The following MFAP3L variants were observed in gnomAD, a reference collection of about 807,000 sequenced individuals.
The protein encoded by MFAP3L is microfibril associated protein 3 like.
In MFAP3L, 5 loss-of-function variants were observed where a neutral mutation model predicts 20.0. That is an observed-to-expected ratio of 0.25 (90% CI 0.13 to 0.53). MFAP3L has a LOEUF of 0.53. MFAP3L is among the 20% of genes least tolerant of loss of function. MFAP3L has a pLI of 0.96. For synonymous variants in MFAP3L, 219 were observed against 213.0 expected (o/e 1.03, Z -0.25); for missense variants, 409 against 527.5 (o/e 0.78, Z 2.20).
chr4:170,020,724 C>A (rs1055530294), intron 1 of MFAP3L, among the ~76,000 whole-genome samples: 3 of 151,298 alleles, frequency 2.0e-5, no homozygotes, highest in Admixed American at 1.3e-4. Context: ...CCAGTAGTTC[C>A]CCACGGCACC....
chr4:169,994,251 G>A (rs1737963920), intron 2 of MFAP3L: 1 of 985,358 alleles, frequency 1.0e-6, no homozygotes. Flanking sequence ...GTGAGAAGGT[G>A]AGGTTATTTG....
chr4:169,993,713 G>T (rs1386720223), intron 2 of MFAP3L: 6 of 152,082 alleles, frequency 3.9e-5, no homozygotes, highest in African/African-American at 1.2e-4. Context: ...GGAGCCTCTC[G>T]GTGGATGCTG....
chr4:170,002,103 T>C, intron 2 of MFAP3L: 1 of 985,412 alleles, frequency 1.0e-6, no homozygotes, highest in Non-Finnish European at 1.2e-6. Flanking sequence ...ACACACATGT[T>C]CCGGCACAAA....
At chr4:170,000,101 T>C (rs187412191) in intron 2 of MFAP3L, among the ~76,000 whole-genome samples, 1 of 152,316 alleles carries the variant, frequency 6.6e-6, no homozygotes, top group Non-Finnish European at 1.5e-5. Context: ...GCAAAATTCA[T>C]CTGGTGCATA....
intron 2 of MFAP3L, 43 bp downstream of exon 2, chr4:170,005,537 G>A (rs777658465): frequency 1.3e-6 from 2 of 1,587,882 alleles, no homozygotes. Flanking sequence ...CAAAGCTCCT[G>A]TTTATATTTT....
chr4:169,991,276 T>A lies in MFAP3L; in HGVS notation c.*102A>T. 2.4e-6 allele frequency: 3 copies of A among 1,243,996 alleles called. No homozygotes were observed. The South Asian group carries it at 4.4e-5, about 18-fold the overall frequency. The allele number at this position is 1,243,996 out of a possible 1,614,324, so 77.1% of individuals were successfully genotyped here. On this transcript the variant is annotated 3_prime_UTR_variant, in exon 3 of 3. Coordinates refer to ENST00000361618, the MANE Select transcript of MFAP3L (RefSeq NM_021647.8). This position sits in a 1 kb window ranked among gnomAD's most constrained non-coding sequence, Gnocchi z 4.9. ...AGTGGCATCACTCCTACCTAAGGGA[T>A]GAGAGTCTCCTGGTAAGGCTTAGCG... is the stretch of plus-strand genomic sequence containing the variant.
intron 1 of MFAP3L, among the ~76,000 whole-genome samples, chr4:170,009,102 G>A (rs1188914603): frequency 6.6e-6 from 1 of 152,098 alleles, no homozygotes; most frequent in Non-Finnish European, 1.5e-5. Flanking sequence ...AAGTTTAGTT[G>A]AGCTGGACAT....
chr4:169,995,034 C>T (rs1435564930), intron 2 of MFAP3L: 2 of 152,170 alleles, frequency 1.3e-5, no homozygotes, highest in Non-Finnish European at 2.9e-5. Context: ...CCAGCAATTT[C>T]CTGTTTCCAA....
chr4:170,026,416 CACCTACAGGA>C (rs1730428501), upstream of MFAP3L: 1 of 430,838 alleles, frequency 2.3e-6, no homozygotes, highest in Non-Finnish European at 3.1e-6. Context: ...CGGAGCTTCC[CACCTACAGGA>C]GCCTGGGCCG....
rs1737743632 is a variant in MFAP3L at position 169,992,014 on chromosome 4, C to T, written c.594G>A (p.Leu198=). ...GCTTGGCGATCTCAAATGCCTTCTGCAGCTTCTCTGCACCTTCGGTCCTAA... is the reference window on the plus strand; with the variant it reads ...GCTTGGCGATCTCAAATGCCTTCTGTAGCTTCTCTGCACCTTCGGTCCTAA... The part of the protein sequence containing the change: ...EFFRTEGAEK[L]QKAFEIAKRI... The change falls in exon 3 of 3, where the codon CTG becomes CTA. Residue 198 remains leucine (L), a synonymous_variant. Coordinates refer to ENST00000361618, the MANE Select transcript of MFAP3L (RefSeq NM_021647.8). The surrounding 1 kb of genome is among the most constrained non-coding windows in gnomAD (Gnocchi z 4.3). 3 of 1,614,192 alleles carry T rather than the reference C, an allele frequency of 1.9e-6. No homozygotes were observed. Among genetic ancestry groups the T allele is most frequent in the African/African-American group, 1.3e-5 (1 of 75,036 alleles).
At chr4:170,006,614 C>G (rs929485174) in intron 1 of MFAP3L, 7 of 152,184 alleles carry the variant, frequency 4.6e-5, no homozygotes, top group African/African-American at 1.7e-4. Context: ...ATGACAAGCT[C>G]TCTTTCCTCC....
chr4:170,026,341 G>A lies in MFAP3L; in HGVS notation c.-241C>T, dbSNP rs1730412672. ...CGCCGGACGCCCGGTAGCGCCTACT[G>A]CGGGCGAGCCGCCTCCGCCGGCGCC... On this transcript the variant is annotated 5_prime_UTR_variant, in exon 1 of 3. Transcript: ENST00000361618. 1 of 956,052 alleles carries A rather than the reference G, an allele frequency of 1.0e-6. No homozygotes were observed. The highest frequency in any genetic ancestry group is 1.2e-6 in the Non-Finnish European group (1 of 804,158). The allele number at this position is 956,052 out of a possible 1,614,324, so 59.2% of individuals were successfully genotyped here.
At chr4:170,019,848 G>A (rs1180911167) in intron 1 of MFAP3L, among the ~76,000 whole-genome samples, 1 of 152,170 alleles carries the variant, frequency 6.6e-6, no homozygotes, top group Non-Finnish European at 1.5e-5. Context: ...CTGTTGACTA[G>A]AGTCAATTTC....
chr4:170,005,754 C>A lies in MFAP3L; in HGVS notation c.124G>T (p.Val42Phe), dbSNP rs78090926. 29 of 1,614,202 alleles carry A rather than the reference C, an allele frequency of 1.8e-5. No individual in the cohort carries two copies. The African/African-American group carries it at 3.7e-4, about 21-fold the overall frequency. Residue 42 changes from valine to phenylalanine, a missense_variant, in exon 2 of 3, where the codon GTC becomes TTC. By Grantham distance (50) the Val-to-Phe change is conservative. This residue lies in a region of MFAP3L where 113 missense variants were observed against 131.1 expected (regional missense o/e 0.86). Transcript: ENST00000361618. ...ATGATTACGGGCACAGAGCCCAAGA[C>A]CACGTTAGTGCCATTTAAAGTGCTG... ...TNSTLNGTNV[V>F]LGSVPVIIAR...
At position 169,991,443 on chromosome 4, in the gene MFAP3L, C is replaced by T. The variant is rs1560961244; in HGVS notation, c.1165G>A (p.Glu389Lys). 6.2e-7 allele frequency: 1 copy of T among 1,614,082 alleles called. No individual in the cohort carries two copies. The highest frequency in any genetic ancestry group is 2.2e-5 in the East Asian group (1 of 44,870). ...TGTGTCACTGCTGGCTCTGTGGCTTCCAGGTAAGCTGGCGGCAGTACCTTA... is the reference window on the plus strand; with the variant it reads ...TGTGTCACTGCTGGCTCTGTGGCTTTCAGGTAAGCTGGCGGCAGTACCTTA... ...PDKVLPPAYLEATEPAVTHDK... is the reference protein window; with the variant it reads ...PDKVLPPAYLKATEPAVTHDK... The change falls in exon 3 of 3, where the codon GAA becomes AAA. Residue 389 changes from glutamate (E) to lysine (K), a missense_variant. Glu to Lys is a moderately conservative substitution (Grantham distance 56). Coordinates refer to ENST00000361618, the MANE Select transcript of MFAP3L (RefSeq NM_021647.8). This position sits in a 1 kb window ranked among gnomAD's most constrained non-coding sequence, Gnocchi z 4.9.
chr4:169,993,314 T>C (rs1421661220), intron 2 of MFAP3L, among the ~76,000 whole-genome samples: 13 of 152,152 alleles, frequency 8.5e-5, no homozygotes, highest in African/African-American at 2.9e-4. Context: ...AGTTAGGCTT[T>C]TGGGGAGTTC....
intron 2 of MFAP3L, among the ~76,000 whole-genome samples, chr4:169,994,753 C>T (rs896510811): frequency 3.3e-5 from 5 of 152,206 alleles, no homozygotes; most frequent in South Asian, 2.1e-4. Context: ...TGTGAGATGT[C>T]TAACAGATAA....
intron 1 of MFAP3L, among the ~76,000 whole-genome samples, chr4:170,015,278 T>A (rs745491656): frequency 3.3e-5 from 5 of 152,168 alleles, no homozygotes; most frequent in African/African-American, 7.2e-5. Flanking sequence ...TTCAGACCCA[T>A]CTCTTAGGTC....
intron 1 of MFAP3L, among the ~76,000 whole-genome samples, chr4:170,025,687 CAA>C (rs1740308725): frequency 1.3e-5 from 2 of 152,330 alleles, no homozygotes; most frequent in Middle Eastern, 3.4e-3. Flanking sequence ...TCAAATGCGA[CAA>C]ACTCCGAGAG....
Sources: allele counts gnomAD v4.1 joint callset (sites outside exome capture counted in the v4.1 genomes callset), GRCh38; gene constraint gnomAD v4.1.1; regional missense constraint gnomAD v4.1.1; non-coding constraint Gnocchi (gnomAD v3.1); transcripts MANE v1.5; gene names NCBI Gene and HGNC (gene_info 2026-07-23, HGNC 2026-07-21).